The following MTOR variants were observed in gnomAD, a reference collection of about 807,000 sequenced individuals.
The protein encoded by MTOR is mechanistic target of rapamycin kinase, also known as serine/threonine-protein kinase mTOR.
Under a neutral mutation model 319.8 loss-of-function variants are expected in MTOR, and 70 were observed. The ratio of observed to expected loss-of-function variants is 0.22; its 90% CI spans 0.18 to 0.27. MTOR has a LOEUF of 0.27. Ranked by LOEUF, MTOR falls within the 10% of genes least tolerant of loss-of-function variation. The pLI, the probability that MTOR is intolerant of heterozygous loss-of-function variation, is 1.00. For missense variants in MTOR, 1,890 were observed against 3,274.4 expected, an observed-to-expected ratio of 0.58 and a Z score of 10.32; for synonymous variants, 1,183 against 1,211.4, an observed-to-expected ratio of 0.98 and a Z score of 0.49.
chr1:11,192,189 A>G, intron 28 of MTOR: 2 of 1,044,356 alleles, frequency 1.9e-6, no homozygotes, highest in Non-Finnish European at 2.9e-6. Context: ...CAGGGTAGAA[A>G]TAAAGGCTCA....
rs1484282908 is a variant in MTOR, at chr1:11,108,271, T to A, written c.7544A>T (p.His2515Leu). ...RDKLTGRDFS[H>L]DDTLDVPTQV... is the part of the protein sequence containing the mutation. ...CGTTGGAACATCCAAAGTGTCATCA[T>A]GAGAGAAGTCCCGACCTAGCACAGG... Residue 2515 changes from histidine to leucine, a missense_variant, in exon 57 of 58, where the codon CAT becomes CTT. Physicochemically the swap from His to Leu is moderately conservative, Grantham distance 99. Around this residue, in one of 15 missense-constraint regions of MTOR, gnomAD observed 31 missense variants for 82.1 expected, o/e 0.38. Coordinates refer to ENST00000361445, the MANE Select transcript of MTOR (RefSeq NM_004958.4). 1 of 1,613,770 alleles carries A rather than the reference T, an allele frequency of 6.2e-7. No individual in the cohort carries two copies. The highest frequency in any genetic ancestry group is 1.3e-5 in the African/African-American group (1 of 74,932).
intron 28 of MTOR, among the ~76,000 whole-genome samples, chr1:11,196,767 G>A (rs1026809052): frequency 2.6e-5 from 4 of 151,658 alleles, no homozygotes; most frequent in East Asian, 1.9e-4. Flanking sequence ...CAGGAGAATC[G>A]CTTGCATCTA....
intron 6 of MTOR, among the ~76,000 whole-genome samples, chr1:11,249,875 C>T (rs1470173962): frequency 2.6e-5 from 4 of 151,366 alleles, no homozygotes; most frequent in Admixed American, 2.6e-4. Flanking sequence ...ACCTTTGCCC[C>T]CTTTCTATTC....
chr1:11,215,750 G>A (rs538953586), intron 20 of MTOR, among the ~76,000 whole-genome samples: 11 of 152,236 alleles, frequency 7.2e-5, no homozygotes, highest in Non-Finnish European at 2.9e-5. Context: ...TGCCCAACAC[G>A]TGTCCATCAT....
At chr1:11,146,110 C>T (rs1276212504) in intron 32 of MTOR, among the ~76,000 whole-genome samples, 2 of 152,278 alleles carry the variant, frequency 1.3e-5, no homozygotes, top group Admixed American at 6.5e-5. Context: ...AGAGCTTTTC[C>T]CGTTTTTGAA....
chr1:11,149,486 C>G (rs1173388674), intron 31 of MTOR: 1 of 152,262 alleles, frequency 6.6e-6, no homozygotes, highest in Admixed American at 6.5e-5. Context: ...TAGACCTTCC[C>G]TCATTGTACC....
rs2100381773 is a variant in MTOR at position 11,124,547 on chromosome 1, C to T, written c.6613G>A (p.Val2205Ile). ...GGGTCATTGGCCAGAAGGGTGTTAA[C>T]CAGGCCGAAGAGCTGCATCACACGC... is the stretch of plus-strand genomic sequence containing the variant. Reference protein sequence around the residue: ...DERVMQLFGLVNTLLANDPTS... With the variant: ...DERVMQLFGLINTLLANDPTS... The change falls in exon 47 of 58, where the codon GTT becomes ATT. Residue 2205 changes from valine to isoleucine, a missense_variant. Physicochemically the swap from Val to Ile is conservative, Grantham distance 29. Coordinates refer to ENST00000361445, the MANE Select transcript of MTOR (RefSeq NM_004958.4). 1 of 1,612,450 alleles carries T rather than the reference C, an allele frequency of 6.2e-7. No individual in the cohort carries two copies. The highest frequency in any genetic ancestry group is 8.5e-7 in the Non-Finnish European group (1 of 1,178,484).
At chr1:11,194,534 T>G in intron 28 of MTOR, 1 of 1,614,148 alleles carries the variant, frequency 6.2e-7, no homozygotes. Context: ...AGCTATCGCC[T>G]CTTCCTGGGG....
At chr1:11,208,214 A>G (rs1313233371) in intron 25 of MTOR, among the ~76,000 whole-genome samples, 1 of 152,260 alleles carries the variant, frequency 6.6e-6, no homozygotes, top group African/African-American at 2.4e-5. Context: ...CTAAAGTCTC[A>G]GAGTAGCAGT....
rs1167788890 is a variant in MTOR at position 11,115,277 on chromosome 1, TAGGGCCAGC to T, written c.7089+110_7089+118del. On this transcript the variant is annotated intron_variant, in intron 51 of 57. Coordinates refer to ENST00000361445, the MANE Select transcript of MTOR (RefSeq NM_004958.4). The surrounding 1 kb of genome is among the most constrained non-coding windows in gnomAD (Gnocchi z 4.5). Reference sequence around the variant, plus strand: ...TAGACTGACTTAACTACAGCCTTGGTAGGGCCAGCAGGGGTTAAGAGTAAGGCAGTTTGG... The same window carrying T: ...TAGACTGACTTAACTACAGCCTTGGTAGGGGTTAAGAGTAAGGCAGTTTGG... The T allele has an allele frequency of 1.1e-6, 1 of 923,610 alleles. No individual in the cohort carries two copies. The highest frequency in any genetic ancestry group is 1.6e-5 in the African/African-American group (1 of 61,354). 57.2% of individuals were successfully genotyped at this position (923,610 alleles called of 1,614,324 possible).
intron 49 of MTOR, among the ~76,000 whole-genome samples, chr1:11,117,514 A>G (rs1642233887): frequency 6.6e-6 from 1 of 152,224 alleles, no homozygotes; most frequent in Non-Finnish European, 1.5e-5. Flanking sequence ...GTATAACATT[A>G]TAAAGACCTC....
At chr1:11,156,936 T>A (rs765850835) in intron 30 of MTOR, among the ~76,000 whole-genome samples, 1 of 152,056 alleles carries the variant, frequency 6.6e-6, no homozygotes, top group African/African-American at 2.4e-5. Context: ...TCCTAGAGCA[T>A]TATAAAGTTT....
At chr1:11,206,191 T>G (rs775738795) in intron 25 of MTOR, among the ~76,000 whole-genome samples, 3 of 152,248 alleles carry the variant, frequency 2.0e-5, no homozygotes, top group African/African-American at 4.8e-5. Flanking sequence ...TGCCCACAGA[T>G]ACCTGGTTTC....
chr1:11,214,315 T>C (rs1162853337), intron 20 of MTOR, among the ~76,000 whole-genome samples: 2 of 152,232 alleles, frequency 1.3e-5, no homozygotes, highest in African/African-American at 2.4e-5. Context: ...TACACCCACA[T>C]GGTTATTTTC....
chr1:11,167,487 T>C lies in MTOR; in HGVS notation c.4284A>G (p.Ala1428=). 1 of 1,611,382 alleles carries C rather than the reference T, an allele frequency of 6.2e-7. No homozygotes were observed. The highest frequency in any genetic ancestry group is 8.5e-7 in the Non-Finnish European group (1 of 1,178,674). The change falls in exon 29 of 58, where the codon GCA becomes GCG. Residue 1428 remains alanine (A), a synonymous_variant. Coordinates refer to ENST00000361445, the MANE Select transcript of MTOR (RefSeq NM_004958.4). ...TGGCATATTCTAACACTCCGGCCGC[T>C]GCCTCCGGCTGCTGTAGCTTATTAT... ...SINNKLQQPE[A]AAGVLEYAMK...
intron 19 of MTOR, among the ~76,000 whole-genome samples, chr1:11,225,688 C>A (rs1646812872): frequency 1.3e-5 from 2 of 152,156 alleles, no homozygotes; most frequent in Non-Finnish European, 2.9e-5. Flanking sequence ...TCCCAAAGTG[C>A]TGGGATTATA....
At chr1:11,248,400 C>T (rs1649130347) in intron 6 of MTOR, among the ~76,000 whole-genome samples, 1 of 152,222 alleles carries the variant, frequency 6.6e-6, no homozygotes, top group African/African-American at 2.4e-5. Context: ...GACTTGCATA[C>T]TGCTGTGACT....
chr1:11,252,121 T>C (rs1009708926), intron 6 of MTOR, among the ~76,000 whole-genome samples: 11 of 152,216 alleles, frequency 7.2e-5, no homozygotes, highest in African/African-American at 1.4e-4. Context: ...TAAAGTAGCA[T>C]AGTATTTGCA....
At chr1:11,167,597 G>A in intron 28 of MTOR, 80 bp from the exon 29 acceptor site, 1 of 1,032,422 alleles carries the variant, frequency 9.7e-7, no homozygotes, top group African/African-American at 1.6e-5. Context: ...TGGGCAGATG[G>A]TTCACCAGCA....
Sources: allele counts gnomAD v4.1 joint callset (sites outside exome capture counted in the v4.1 genomes callset), GRCh38; gene constraint gnomAD v4.1.1; regional missense constraint gnomAD v4.1.1; non-coding constraint Gnocchi (gnomAD v3.1); transcripts MANE v1.5; gene names NCBI Gene and HGNC (gene_info 2026-07-23, HGNC 2026-07-21).